EMCN: variants seen among roughly 807,000 people sequenced by gnomAD.
The protein encoded by EMCN is MUC-14.
In EMCN, 37 loss-of-function variants were observed where a neutral mutation model predicts 38.4. The observed-to-expected ratio is 0.96, with a 90% CI of 0.74 to 1.27. The LOEUF (loss-of-function observed/expected upper bound fraction) is 1.27. Ranked by LOEUF, EMCN falls within the 50% of genes most tolerant of loss-of-function variation. EMCN has a pLI of 0.00. For missense variants in EMCN, 318 were observed against 302.8 expected (o/e 1.05, Z -0.37); for synonymous variants, 95 against 100.8 (o/e 0.94, Z 0.35).
At position 100,433,850 on chromosome 4, in the gene EMCN, A is replaced by G. The variant is rs1027827072; in HGVS notation, c.416-10446T>C. 2.0e-5 allele frequency among the ~76,000 whole-genome samples: 3 copies of G among 152,176 alleles called. No individual in the cohort carries two copies. In the East Asian group the frequency reaches 5.8e-4, roughly 29 times the overall value. On this transcript the variant is annotated intron_variant, in intron 5 of 11. Coordinates refer to ENST00000296420, the MANE Select transcript of EMCN (RefSeq NM_016242.4). ...TGCACCCAGCCGAAATCTCCATACT[A>G]TTTTCTATAATGGCTGCACCAGTAT...
intron 4 of EMCN, among the ~76,000 whole-genome samples, chr4:100,464,996 T>C (rs762650813): frequency 5.3e-5 from 8 of 152,180 alleles, no homozygotes; most frequent in Non-Finnish European, 1.0e-4. Flanking sequence ...GAAGCCATCA[T>C]GGCTTGGGGT....
At chr4:100,495,887 A>G (rs562618031) in intron 1 of EMCN, among the ~76,000 whole-genome samples, 2 of 152,148 alleles carry the variant, frequency 1.3e-5, no homozygotes, top group African/African-American at 4.8e-5. Context: ...AATCATCAAA[A>G]TATTAGGATT....
At chr4:100,455,604 G>T (rs1168308586) in intron 4 of EMCN, among the ~76,000 whole-genome samples, 1 of 144,676 alleles carries the variant, frequency 6.9e-6, no homozygotes, top group Non-Finnish European at 1.5e-5. Flanking sequence ...TTTTATCATT[G>T]TTCTTCTCTA....
intron 4 of EMCN, among the ~76,000 whole-genome samples, chr4:100,465,187 T>C (rs1269461730): frequency 2.6e-5 from 4 of 152,170 alleles, no homozygotes; most frequent in Non-Finnish European, 4.4e-5. Context: ...GGTAATATCA[T>C]AGATTACTGC....
At chr4:100,401,594 A>G (rs1726262053) in intron 11 of EMCN, among the ~76,000 whole-genome samples, 1 of 152,172 alleles carries the variant, frequency 6.6e-6, no homozygotes, top group African/African-American at 2.4e-5. Flanking sequence ...TGAAAGAAAA[A>G]TAATTGAAAA....
At chr4:100,472,649 G>A (rs988307180) in intron 3 of EMCN, among the ~76,000 whole-genome samples, 4 of 152,008 alleles carry the variant, frequency 2.6e-5, no homozygotes, top group African/African-American at 4.8e-5. Flanking sequence ...TAAAATTGGC[G>A]TGATAAAGTT....
chr4:100,441,752 G>A (rs1160751933), intron 5 of EMCN, among the ~76,000 whole-genome samples: 1 of 152,024 alleles, frequency 6.6e-6, no homozygotes, highest in Admixed American at 6.6e-5. Context: ...CTTAAATTCT[G>A]TTGCATACAA....
intron 1 of EMCN, among the ~76,000 whole-genome samples, chr4:100,484,374 T>C (rs1728887383): frequency 6.6e-6 from 1 of 152,200 alleles, no homozygotes; most frequent in South Asian, 2.1e-4. Flanking sequence ...AAAGCATGTC[T>C]AATCTTTGTA....
At chr4:100,444,015 G>A (rs1000687635) in intron 5 of EMCN, among the ~76,000 whole-genome samples, 1 of 152,200 alleles carries the variant, frequency 6.6e-6, no homozygotes, top group Non-Finnish European at 1.5e-5. Context: ...CACTACCCCA[G>A]GCTCTATGAG....
At chr4:100,494,837 G>GA (rs1560640148) in intron 1 of EMCN, among the ~76,000 whole-genome samples, 1 of 151,592 alleles carries the variant, frequency 6.6e-6, no homozygotes. Context: ...AAAAGGTCAA[G>GA]AAAAAATGAA....
At chr4:100,501,830 C>G (rs1016360050) in intron 1 of EMCN, among the ~76,000 whole-genome samples, 1 of 149,950 alleles carries the variant, frequency 6.7e-6, no homozygotes, top group East Asian at 1.9e-4. Flanking sequence ...TACAGAGACC[C>G]TGATAAACTC....
In EMCN at chr4:100,439,556, C is replaced by A. The variant is rs190930708; in HGVS notation, c.415+7977G>T. 1.4e-3 allele frequency among the ~76,000 whole-genome samples: 207 copies of A among 146,380 alleles called. 1 individual carries two copies. Among genetic ancestry groups the A allele is most frequent in the African/African-American group, 4.9e-3 (197 of 40,588 alleles). On this transcript the variant is annotated intron_variant, in intron 5 of 11. Transcript: ENST00000296420. ...TCATTTAGACCAGCTAAAGGTTTAT[C>A]CATTTTTTTTTATTTTTTGAAAGCA... is the stretch of plus-strand genomic sequence containing the variant.
chr4:100,453,688 T>A (rs980462367), intron 4 of EMCN, among the ~76,000 whole-genome samples: 1 of 151,930 alleles, frequency 6.6e-6, no homozygotes, highest in Non-Finnish European at 1.5e-5. Context: ...ACCCAAAGGA[T>A]TATAAATCAT....
chr4:100,415,541 C>T (rs1196100843), intron 10 of EMCN, among the ~76,000 whole-genome samples: 1 of 152,000 alleles, frequency 6.6e-6, no homozygotes, highest in Non-Finnish European at 1.5e-5. Flanking sequence ...CCTTTTTGAC[C>T]ATATGCGACT....
intron 1 of EMCN, among the ~76,000 whole-genome samples, chr4:100,485,551 A>C (rs1728919226): frequency 6.6e-6 from 1 of 151,800 alleles, no homozygotes; most frequent in South Asian, 2.1e-4. Flanking sequence ...ATGAACTGTA[A>C]GTTGAAAATT....
intron 4 of EMCN, among the ~76,000 whole-genome samples, chr4:100,455,483 A>G (rs1398503998): frequency 4.0e-5 from 6 of 150,088 alleles, no homozygotes; most frequent in African/African-American, 1.5e-4. Context: ...GTCTGAAAAA[A>G]TATTTACAGA....
At chr4:100,450,027 T>C (rs1727794303) in intron 4 of EMCN, among the ~76,000 whole-genome samples, 1 of 152,042 alleles carries the variant, frequency 6.6e-6, no homozygotes, top group Non-Finnish European at 1.5e-5. Context: ...ATGAATGCTA[T>C]GGAATATGGC....
chr4:100,512,934 A>T (rs1026732868), intron 1 of EMCN, among the ~76,000 whole-genome samples: 23 of 152,194 alleles, frequency 1.5e-4, no homozygotes, highest in African/African-American at 5.5e-4. Flanking sequence ...AGTAACTTGA[A>T]TTAGATAATT....
At chr4:100,516,324 C>T (rs1439427435) in intron 1 of EMCN, among the ~76,000 whole-genome samples, 1 of 152,046 alleles carries the variant, frequency 6.6e-6, no homozygotes, top group Non-Finnish European at 1.5e-5. Context: ...TTCGGAAGAA[C>T]GAATGATCTA....
Sources: allele counts gnomAD v4.1 joint callset (sites outside exome capture counted in the v4.1 genomes callset), GRCh38; gene constraint gnomAD v4.1.1; transcripts MANE v1.5; gene names NCBI Gene and HGNC (gene_info 2026-07-23, HGNC 2026-07-21).